The following GRM4 variants were observed in gnomAD, a reference collection of about 807,000 sequenced individuals.
The protein encoded by GRM4 is glutamate metabotropic receptor 4.
A neutral mutation model predicts 81.7 loss-of-function variants in GRM4; 28 were observed. That is an observed-to-expected ratio of 0.34 (90% CI 0.25 to 0.47). The LOEUF is 0.47. Among genes scored for constraint, GRM4 ranks in the 20% least tolerant of loss-of-function variants. The probability of loss-of-function intolerance (pLI) is 1.00; values close to 1 mark genes in which losing one functional copy is unlikely to be tolerated. For synonymous variants in GRM4, 488 were observed against 528.8 expected, an observed-to-expected ratio of 0.92 and a Z score of 1.06; for missense variants, 948 against 1,290.0, an observed-to-expected ratio of 0.73 and a Z score of 4.06.
chr6:34,058,959 C>T lies in GRM4; in HGVS notation c.1027+15G>A. On this transcript the variant is annotated intron_variant, in intron 5 of 10. Coordinates refer to ENST00000538487, the MANE Select transcript of GRM4 (RefSeq NM_000841.4). ...TCCAGGATGGTGCCGACCACCTGCA[C>T]CCGCCCAGCCTTACCTCGTACGGAC... The T allele has an allele frequency of 6.2e-7, 1 of 1,608,260 alleles. No homozygotes were observed. The highest frequency in any genetic ancestry group is 8.5e-7 in the Non-Finnish European group (1 of 1,178,632).
At chr6:34,151,423 T>C (rs1257795692) in intron 1 of GRM4, among the ~76,000 whole-genome samples, 1 of 152,196 alleles carries the variant, frequency 6.6e-6, no homozygotes, top group East Asian at 1.9e-4. Context: ...TCTCCACATG[T>C]CCGGGGGCTG....
Position 34,152,142 on chromosome 6 carries a change from C to T in GRM4, c.312+2937G>A, listed in dbSNP as rs1235415194. On this transcript the variant is annotated intron_variant, in intron 1 of 8. Coordinates refer to the GRM4 transcript ENST00000374177. The surrounding 1 kb of genome is among the most constrained non-coding windows in gnomAD (Gnocchi z 4.1). The stretch of plus-strand genomic sequence containing the variant: ...TCTGTCAATGTCCCCCTACCACACT[C>T]TAGCCTTGGTTCTACTTAGGAAACT... Among the ~76,000 whole-genome samples the T allele has an allele frequency of 1.3e-5, 2 of 152,148 alleles. No individual in the cohort carries two copies. Among genetic ancestry groups the T allele is most frequent in the African/African-American group, 4.8e-5 (2 of 41,436 alleles).
chr6:34,129,931 G>A (rs1770171396), intron 2 of GRM4, among the ~76,000 whole-genome samples: 2 of 152,164 alleles, frequency 1.3e-5, no homozygotes, highest in South Asian at 4.1e-4. Flanking sequence ...ACCTCTTGCA[G>A]GAAGGAAAGC....
At chr6:34,138,700 G>T (rs563817465) in intron 1 of GRM4, among the ~76,000 whole-genome samples, 234 of 152,316 alleles carry the variant, frequency 1.5e-3, no homozygotes, top group African/African-American at 5.3e-3. Flanking sequence ...CATGGGGAAG[G>T]TGGATGACCA....
At chr6:34,033,294 G>T (rs1764523537) in intron 9 of GRM4, among the ~76,000 whole-genome samples, 2 of 152,318 alleles carry the variant, frequency 1.3e-5, no homozygotes, top group African/African-American at 4.8e-5. Flanking sequence ...CCCCCACAGG[G>T]CCCCCATTGG....
intron 2 of GRM4, among the ~76,000 whole-genome samples, chr6:34,101,456 G>A (rs923438124): frequency 6.6e-6 from 1 of 152,030 alleles, no homozygotes; most frequent in Non-Finnish European, 1.5e-5. Context: ...CTGCGTACAC[G>A]GTGGGCCTAC....
rs1316022947 is a variant in GRM4, at chr6:34,069,202, A to ACACACACACACACG, written c.737-7175_737-7174insCGTGTGTGTGTGTG. 7.7e-5 allele frequency among the ~76,000 whole-genome samples: 11 copies of ACACACACACACACG among 142,292 alleles called. No individual in the cohort carries two copies. Among genetic ancestry groups the ACACACACACACACG allele is most frequent in the African/African-American group, 2.9e-4 (10 of 35,082 alleles). 93.3% of individuals were successfully genotyped at this position (142,292 alleles called of 152,430 possible). A position where few individuals can be genotyped will look rare whatever the true frequency, so the allele number is the denominator to read the frequency against. ...CACACACACACACACACACACACAC[A>ACACACACACACACG]CACGCACGCACACACGGCTCCTTCC... On this transcript the variant is annotated intron_variant, in intron 3 of 10. Coordinates refer to ENST00000538487, the MANE Select transcript of GRM4 (RefSeq NM_000841.4). This position sits in a 1 kb window ranked among gnomAD's most constrained non-coding sequence, Gnocchi z 6.4.
intron 1 of GRM4, among the ~76,000 whole-genome samples, chr6:34,144,263 T>G (rs1770824228): frequency 6.6e-6 from 1 of 152,110 alleles, no homozygotes. Context: ...AGTCGAGGCC[T>G]CCACCTCCCG....
intron 2 of GRM4, among the ~76,000 whole-genome samples, chr6:34,123,110 G>A (rs1471401854): frequency 1.3e-5 from 2 of 152,174 alleles, no homozygotes; most frequent in African/African-American, 2.4e-5. Context: ...GTCACACAGC[G>A]AGTTGGCAGC....
At chr6:34,079,101 C>T (rs1452745080) in intron 3 of GRM4, among the ~76,000 whole-genome samples, 1 of 152,210 alleles carries the variant, frequency 6.6e-6, no homozygotes, top group African/African-American at 2.4e-5. Flanking sequence ...CCCCATACTA[C>T]AGGTGGAGAA....
At chr6:34,103,484 C>T (rs1581699783) in intron 2 of GRM4, 1 of 926,468 alleles carries the variant, frequency 1.1e-6, no homozygotes, top group East Asian at 2.7e-5. Flanking sequence ...CCCGAGAGAG[C>T]AGGCGGGGGC....
At position 34,035,189 on chromosome 6, in the gene GRM4, T is replaced by G. The variant is rs1581592851; in HGVS notation, c.2442+479A>C. Among the ~76,000 whole-genome samples the G allele has an allele frequency of 7.1e-6, 1 of 140,160 alleles. No individual in the cohort carries two copies. Among genetic ancestry groups the G allele is most frequent in the Non-Finnish European group, 1.6e-5 (1 of 64,408 alleles). 92.0% of individuals were successfully genotyped at this position (140,160 alleles called of 152,430 possible). On this transcript the variant is annotated intron_variant, in intron 9 of 10. Transcript: ENST00000538487. The surrounding 1 kb of genome is among the most constrained non-coding windows in gnomAD (Gnocchi z 6.6). Reference sequence around the variant, plus strand: ...AAGGAGTCTAGAAAAGAATGAAGAGTGAAGGAGGGTACAGCGCTCCAGGCT... The same window carrying G: ...AAGGAGTCTAGAAAAGAATGAAGAGGGAAGGAGGGTACAGCGCTCCAGGCT...
intron 6 of GRM4, among the ~76,000 whole-genome samples, chr6:34,044,229 GACACACACATAC>G (rs1487916975): frequency 3.0e-3 from 349 of 117,776 alleles, no homozygotes; most frequent in African/African-American, 0.012. Context: ...CATATATACA[GACACACACATAC>G]ACACACAGAG....
At chr6:34,154,973 G>T in intron 1 of GRM4, 1 of 945,160 alleles carries the variant, frequency 1.1e-6, no homozygotes, top group Non-Finnish European at 1.5e-6. Flanking sequence ...CCGGGCCTGG[G>T]GCGGGTCCGA....
chr6:34,155,361 A>C, exon 1 of GRM4: 1 of 1,510,920 alleles, frequency 6.6e-7, no homozygotes, highest in Non-Finnish European at 8.8e-7. Flanking sequence ...AGCCGCAGGA[A>C]GCTGCAACTC....
chr6:34,028,461 G>T, intron 9 of GRM4, 95 bp from the exon 10 acceptor site: 1 of 1,354,564 alleles, frequency 7.4e-7, no homozygotes, highest in Non-Finnish European at 1.0e-6. Context: ...CCGGCATCCC[G>T]CTGCCTTCAG....
upstream of GRM4, among the ~76,000 whole-genome samples, chr6:34,147,308 C>T (rs947087526): frequency 6.6e-5 from 10 of 152,162 alleles, no homozygotes; most frequent in African/African-American, 2.2e-4. Flanking sequence ...GAGTGCACCC[C>T]GTGGCCATTC....
In GRM4 at chr6:34,027,560, G is replaced by C. The variant is rs926426598; in HGVS notation, c.2689+560C>G. ...CCGGTCCTGGCCGGCCCATGTCCCG[G>C]GTCCCCATAGCTCAGGTGCCTGCTA... On this transcript the variant is annotated intron_variant, in intron 10 of 10. Coordinates refer to ENST00000538487, the MANE Select transcript of GRM4 (RefSeq NM_000841.4). Among the ~76,000 whole-genome samples the C allele has an allele frequency of 1.3e-5, 2 of 152,218 alleles. 1 individual carries two copies. The highest frequency in any genetic ancestry group is 4.8e-5 in the African/African-American group (2 of 41,468).
chr6:34,056,463 C>G, intron 6 of GRM4, 81 bp downstream of exon 6: 1 of 1,287,658 alleles, frequency 7.8e-7, no homozygotes, highest in South Asian at 1.3e-5. Flanking sequence ...CAAAGGGAGA[C>G]TCTCGGCCTC....
Sources: gnomAD v4.1 joint callset for allele counts (sites outside exome capture counted in the v4.1 genomes callset) on GRCh38, gnomAD v4.1.1 for gene constraint, Gnocchi (gnomAD v3.1) non-coding constraint, MANE v1.5 for transcripts, NCBI Gene and HGNC (gene_info 2026-07-23, HGNC 2026-07-21) for gene names.